Variants in SLC35F3 observed in about 807,000 individuals in gnomAD.
SLC35F3 encodes solute carrier family 35 member F3.
A neutral mutation model predicts 49.9 loss-of-function variants in SLC35F3; 25 were observed. The ratio of observed to expected loss-of-function variants is 0.50; its 90% CI spans 0.37 to 0.70. The LOEUF is 0.70. SLC35F3 is among the 30% of genes least tolerant of loss of function. The pLI is 0.00. For missense variants in SLC35F3, 525 were observed against 639.8 expected (o/e 0.82, Z 1.94); for synonymous variants, 275 against 265.4 (o/e 1.04, Z -0.35).
At chr1:234,036,038 CTTTAAG>C (rs1188721191) in intron 2 of SLC35F3, among the ~76,000 whole-genome samples, 1 of 152,112 alleles carries the variant, frequency 6.6e-6, no homozygotes, top group Admixed American at 6.6e-5. Flanking sequence ...GAATGGATGA[CTTTAAG>C]TTTAACTCTA....
intron 2 of SLC35F3, among the ~76,000 whole-genome samples, chr1:234,065,427 G>A (rs1347997244): frequency 4.6e-5 from 7 of 152,152 alleles, no homozygotes; most frequent in East Asian, 3.8e-4. Context: ...TATTACAGGC[G>A]TGAGCCACCG....
At position 233,905,511 on chromosome 1, in the gene SLC35F3, T is replaced by A; in HGVS notation, c.54-18T>A. 2 of 1,595,160 alleles carry A rather than the reference T, an allele frequency of 1.3e-6. No individual in the cohort carries two copies. The highest frequency in any genetic ancestry group is 1.7e-6 in the Non-Finnish European group (2 of 1,168,242). ...CTCCCCCTGCCCACCCACCTGCCCG[T>A]GGCGCCTGCGACCGCAGTGGCATGA... On this transcript the variant is annotated intron_variant, in intron 1 of 7. Transcript: ENST00000366618.
chr1:234,217,371 G>A (rs1316667553), intron 2 of SLC35F3, among the ~76,000 whole-genome samples: 1 of 152,200 alleles, frequency 6.6e-6, no homozygotes, highest in Admixed American at 6.5e-5. Flanking sequence ...AGGCAAAAAG[G>A]AACAATTCTA....
intron 3 of SLC35F3, among the ~76,000 whole-genome samples, chr1:234,284,612 C>T (rs912499374): frequency 1.3e-5 from 2 of 152,176 alleles, no homozygotes; most frequent in African/African-American, 2.4e-5. Context: ...TGATTGTGAT[C>T]GTGCCTCTTG....
chr1:234,303,317 C>T (rs1668722082), intron 3 of SLC35F3, among the ~76,000 whole-genome samples: 2 of 152,194 alleles, frequency 1.3e-5, no homozygotes, highest in South Asian at 4.1e-4. Context: ...CCTCAAAAGC[C>T]TATCACTATT....
chr1:233,926,308 ATTTC>A (rs1281451712), intron 2 of SLC35F3, among the ~76,000 whole-genome samples: 8 of 152,132 alleles, frequency 5.3e-5, no homozygotes, highest in African/African-American at 1.9e-4. Context: ...ATAGTCTCAT[ATTTC>A]TTGGCGGCTT....
intron 2 of SLC35F3, among the ~76,000 whole-genome samples, chr1:234,007,897 A>C (rs528714470): frequency 1.1e-4 from 16 of 152,318 alleles, no homozygotes; most frequent in African/African-American, 3.6e-4. Flanking sequence ...GCTTTTTTAC[A>C]TGTTGCTTTA....
intron 3 of SLC35F3, among the ~76,000 whole-genome samples, chr1:234,246,557 G>T (rs753282740): frequency 6.6e-6 from 1 of 152,232 alleles, no homozygotes; most frequent in Non-Finnish European, 1.5e-5. Flanking sequence ...TTCTGTCCAT[G>T]AATCTTCTGG....
intron 2 of SLC35F3, among the ~76,000 whole-genome samples, chr1:233,931,360 A>G (rs1202706480): frequency 6.6e-6 from 1 of 152,190 alleles, no homozygotes; most frequent in African/African-American, 2.4e-5. Flanking sequence ...AACCTACAGA[A>G]TGGGAGAAAA....
intron 2 of SLC35F3, among the ~76,000 whole-genome samples, chr1:234,039,602 G>A (rs899860029): frequency 2.0e-5 from 3 of 152,128 alleles, no homozygotes; most frequent in East Asian, 1.9e-4. Flanking sequence ...ACACAGTCAC[G>A]GAGCTGTGTT....
chr1:234,303,485 C>G (rs1475992040), intron 3 of SLC35F3, among the ~76,000 whole-genome samples: 1 of 152,210 alleles, frequency 6.6e-6, no homozygotes, highest in Non-Finnish European at 1.5e-5. Flanking sequence ...ACGTCTTTTT[C>G]CTCCTTGGTC....
At chr1:234,041,379 C>T (rs1311967661) in intron 2 of SLC35F3, among the ~76,000 whole-genome samples, 2 of 152,196 alleles carry the variant, frequency 1.3e-5, no homozygotes, top group African/African-American at 2.4e-5. Context: ...AAAAGGACTA[C>T]GGAGGGATTT....
chr1:234,165,054 G>C (rs924222922), intron 2 of SLC35F3, among the ~76,000 whole-genome samples: 3 of 151,022 alleles, frequency 2.0e-5, no homozygotes, highest in Non-Finnish European at 4.4e-5. Flanking sequence ...GTGTGTGTGT[G>C]TGTGTGTGTG....
At chr1:233,988,619 G>A (rs1663304171) in intron 2 of SLC35F3, among the ~76,000 whole-genome samples, 1 of 152,094 alleles carries the variant, frequency 6.6e-6, no homozygotes, top group African/African-American at 2.4e-5. Context: ...ACACAGGCAC[G>A]CTTTCAGCTT....
At chr1:234,139,951 T>TAATAAAATAAAATAAAATA (rs1665868761) in intron 2 of SLC35F3, among the ~76,000 whole-genome samples, 7 of 90,578 alleles carry the variant, frequency 7.7e-5, no homozygotes, top group Non-Finnish European at 1.1e-4. Flanking sequence ...CATCTCAAAA[T>TAATAAAATAAAATAAAATA]AATAAAATAA....
intron 2 of SLC35F3, among the ~76,000 whole-genome samples, chr1:234,186,252 T>C (rs1175660390): frequency 1.3e-5 from 2 of 151,624 alleles, no homozygotes; most frequent in Non-Finnish European, 2.9e-5. Context: ...AAGCATGCAG[T>C]GGGCTCCGCT....
intron 2 of SLC35F3, among the ~76,000 whole-genome samples, chr1:234,122,558 C>G (rs1363791408): frequency 2.6e-5 from 4 of 152,134 alleles, no homozygotes; most frequent in African/African-American, 9.7e-5. Context: ...CCTATCAACC[C>G]ATCATCTAGG....
intron 2 of SLC35F3, among the ~76,000 whole-genome samples, chr1:234,100,855 G>A (rs1665204236): frequency 6.6e-6 from 1 of 152,128 alleles, no homozygotes; most frequent in African/African-American, 2.4e-5. Context: ...TGCCAGGATG[G>A]GGCAGGAATC....
At chr1:234,296,150 G>T (rs1014835298) in intron 3 of SLC35F3, among the ~76,000 whole-genome samples, 3 of 152,164 alleles carry the variant, frequency 2.0e-5, no homozygotes, top group African/African-American at 7.2e-5. Context: ...TTTGCGGAGG[G>T]ATGTGCTTTC....
Sources: gnomAD v4.1 joint callset for allele counts (sites outside exome capture counted in the v4.1 genomes callset) on GRCh38, gnomAD v4.1.1 for gene constraint, MANE v1.5 for transcripts, NCBI Gene and HGNC (gene_info 2026-07-23, HGNC 2026-07-21) for gene names.